GYS1: variants seen among roughly 807,000 people sequenced by gnomAD.
The protein encoded by GYS1 is glycogen synthase 1.
Under a neutral mutation model 89.1 loss-of-function variants are expected in GYS1, and 60 were observed. That is an observed-to-expected ratio of 0.67 (90% confidence interval 0.55 to 0.84). The LOEUF (loss-of-function observed/expected upper bound fraction) is 0.84, where lower values mean the gene tolerates loss of function less well. GYS1 is among the 40% of genes least tolerant of loss of function. The pLI, the probability that GYS1 is intolerant of heterozygous loss-of-function variation, is 0.00. For missense variants in GYS1, 888 were observed against 1,003.1 expected, an observed-to-expected ratio of 0.89 and a Z score of 1.55; for synonymous variants, 366 against 401.7, an observed-to-expected ratio of 0.91 and a Z score of 1.06.
At chr19:48,980,058 C>A (rs569438409) in intron 8 of GYS1, among the ~76,000 whole-genome samples, 35 of 152,264 alleles carry the variant, frequency 2.3e-4, no homozygotes, top group African/African-American at 8.4e-4. Flanking sequence ...GATCCTCCTG[C>A]CTCCTGTAGC....
rs1230620044 is a variant in GYS1, at chr19:48,985,371, C to G, written c.823+90G>C. ...TTTCGGTTTATGCTATTTCAACTTA[C>G]AGTGGGCTTCTTGGGCTGAGGAGCA... On this transcript the variant is annotated intron_variant, in intron 5 of 15. Transcript: ENST00000323798. 19 of 1,330,004 alleles carry G rather than the reference C, an allele frequency of 1.4e-5. No individual in the cohort carries two copies. In the East Asian group the frequency reaches 4.4e-4, roughly 31 times the overall value. 82.4% of individuals were successfully genotyped at this position (1,330,004 alleles called of 1,614,324 possible).
intron 8 of GYS1, among the ~76,000 whole-genome samples, chr19:48,981,117 T>TA (rs202146011): frequency 0.41 from 53,119 of 128,242 alleles, 9,725 homozygotes; most frequent in Middle Eastern, 0.59. Context: ...CATCTCAAAA[T>TA]AAAAAAAAAA....
chr19:48,993,124 G>A lies in GYS1; in HGVS notation c.-12C>T. The A allele has an allele frequency of 6.9e-7, 1 of 1,455,534 alleles. No homozygotes were observed. Among genetic ancestry groups the A allele is most frequent in the Non-Finnish European group, 9.7e-7 (1 of 1,035,856 alleles). The allele number at this position is 1,455,534 out of a possible 1,614,324, so 90.2% of individuals were successfully genotyped here. On this transcript the variant is annotated 5_prime_UTR_variant, in exon 1 of 16. Transcript: ENST00000323798. Reference sequence around the variant, plus strand: ...CGGTTTAAAGGCATGGCTGGCGCAGGAAGGGGGGCTCCGGGGATCTCCAGG... The same window carrying A: ...CGGTTTAAAGGCATGGCTGGCGCAGAAAGGGGGGCTCCGGGGATCTCCAGG...
At chr19:48,981,677 G>A (rs537587537) in intron 7 of GYS1, 41 bp from the exon 8 acceptor site, 4 of 1,283,652 alleles carry the variant, frequency 3.1e-6, no homozygotes, top group African/African-American at 2.9e-5. Flanking sequence ...GATCATGTGG[G>A]GGAAGCCTGG....
rs1568628620 is a variant in GYS1 at position 48,993,254 on chromosome 19, C to CCGCA, written c.-146_-143dup. 1 of 749,058 alleles carries CCGCA rather than the reference C, an allele frequency of 1.3e-6. No individual in the cohort carries two copies. Among genetic ancestry groups the CCGCA allele is most frequent in the East Asian group, 2.5e-5 (1 of 40,364 alleles). The allele number at this position is 749,058 out of a possible 1,614,324, so 46.4% of individuals were successfully genotyped here. On this transcript the variant is annotated 5_prime_UTR_variant, in exon 1 of 16. Coordinates refer to ENST00000323798, the MANE Select transcript of GYS1 (RefSeq NM_002103.5). ...AGACGCTCGGCTTCCTATTGCAAGA[C>CCGCA]CGCACCCCTGCCCCGAAGCGTTGGG...
At position 48,991,291 on chromosome 19, in the gene GYS1, C is replaced by A. The variant is rs201417230; in HGVS notation, c.300+11G>T. 162 of 1,613,006 alleles carry A rather than the reference C, an allele frequency of 1.0e-4. 1 individual carries two copies. In the Middle Eastern group the frequency reaches 2.5e-3, roughly 25 times the overall value. On this transcript the variant is annotated intron_variant, in intron 2 of 15. Transcript: ENST00000323798. The surrounding 1 kb of genome is among the most constrained non-coding windows in gnomAD (Gnocchi z 4.7). ...CCACCCGCTTCTGCCCTGGGCTGGG[C>A]CACGTCCCACCTTGCAGCCCTTGCT...
rs144681053 is a variant in GYS1 at position 48,974,326 on chromosome 19, G to A, written c.1436C>T (p.Pro479Leu). The A allele has an allele frequency of 7.1e-5, 114 of 1,613,842 alleles. No individual in the cohort carries two copies. The highest frequency in any genetic ancestry group is 8.9e-5 in the Non-Finnish European group (105 of 1,179,830). ...GGGGCTTGTGGAGGAGAGGAACTCC[G>A]GGTGGAAAATCACCTGGTAGTGAAA... ...SADRVKVIFH[P>L]EFLSSTSPLL... The change falls in exon 12 of 16, where the codon CCG becomes CTG. Residue 479 changes from proline (P) to leucine (L), a missense_variant. Pro to Leu is a moderately conservative substitution (Grantham distance 98). Coordinates refer to ENST00000323798, the MANE Select transcript of GYS1 (RefSeq NM_002103.5).
At chr19:48,970,859 C>G (rs2038553795) in intron 13 of GYS1, 69 bp downstream of exon 13, 1 of 1,447,766 alleles carries the variant, frequency 6.9e-7, no homozygotes, top group East Asian at 2.3e-5. Flanking sequence ...GCAAGCTCCT[C>G]CTTCCCAGGA....
intron 2 of GYS1, among the ~76,000 whole-genome samples, chr19:48,988,525 C>T (rs902816830): frequency 3.3e-5 from 5 of 152,126 alleles, no homozygotes; most frequent in Non-Finnish European, 7.4e-5. Context: ...CACTATGTTG[C>T]CCAGGCTGAT....
rs777178030 is a variant in GYS1 at position 48,979,336 on chromosome 19, C to CTTTTTTTTTT, written c.1170-1189_1170-1180dup. Among the ~76,000 whole-genome samples, 73 of 92,624 alleles carry CTTTTTTTTTT rather than the reference C, an allele frequency of 7.9e-4. 1 individual carries two copies. The highest frequency in any genetic ancestry group is 1.2e-3 in the East Asian group (4 of 3,344). The allele number at this position is 92,624 out of a possible 152,430, so 60.8% of individuals were successfully genotyped here. ...TTTGTCTCTTTTTCTTTTTTCTTTT[C>CTTTTTTTTTT]TTTTTTTTTTTTTTTTTTTTTTTTT... On this transcript the variant is annotated intron_variant, in intron 8 of 15. Transcript: ENST00000323798.
intron 12 of GYS1, among the ~76,000 whole-genome samples, chr19:48,972,264 G>A (rs2038577905): frequency 1.3e-5 from 2 of 151,914 alleles, no homozygotes; most frequent in Admixed American, 1.3e-4. Flanking sequence ...CTTGAACCCG[G>A]GAGGCGGTTG....
In GYS1 at chr19:48,968,889, G is replaced by C; in HGVS notation, c.*399C>G. ...ACTTGGTGGCCCGCATGCCGGGCCT[G>C]AGCGTGGCCTGCTCTGTATGCTGTA... On this transcript the variant is annotated 3_prime_UTR_variant, in exon 16 of 16. Transcript: ENST00000323798. 1 of 475,388 alleles carries C rather than the reference G, an allele frequency of 2.1e-6. No homozygotes were observed. The highest frequency in any genetic ancestry group is 4.1e-6 in the Non-Finnish European group (1 of 241,606). The allele number at this position is 475,388 out of a possible 1,614,324, so 29.4% of individuals were successfully genotyped here. A position where few individuals can be genotyped will look rare whatever the true frequency, so the allele number is the denominator to read the frequency against.
chr19:48,974,894 G>T (rs1458087876), intron 10 of GYS1, among the ~76,000 whole-genome samples, 161 bp from the exon 11 acceptor site: 1 of 151,104 alleles, frequency 6.6e-6, no homozygotes, highest in Non-Finnish European at 1.5e-5. Flanking sequence ...ATTCCCACTA[G>T]TACAACCTGT....
At chr19:48,974,846 G>A (rs1265610540) in intron 10 of GYS1, 113 bp from the exon 11 acceptor site, 3 of 701,824 alleles carry the variant, frequency 4.3e-6, no homozygotes, top group African/African-American at 1.8e-5. Flanking sequence ...TGCACCGGAC[G>A]TGGGGCAACA....
chr19:48,984,882 AAAAT>A (rs1007567479), intron 5 of GYS1, among the ~76,000 whole-genome samples: 79 of 151,750 alleles, frequency 5.2e-4, no homozygotes, highest in African/African-American at 1.8e-3. Context: ...CTCCGTCTCA[AAAAT>A]AAATAAATAA....
At chr19:48,987,053 G>A (rs2122524321) in intron 3 of GYS1, 141 bp downstream of exon 3, 1 of 709,236 alleles carries the variant, frequency 1.4e-6, no homozygotes, top group East Asian at 2.7e-5. Context: ...GGATGTTCAT[G>A]TCCTCAAAGG....
chr19:48,987,651 T>C lies in GYS1; in HGVS notation c.301-266A>G, dbSNP rs940390022. On this transcript the variant is annotated intron_variant, in intron 2 of 15. Transcript: ENST00000323798. ...CCTGCTTACTTTCTTTCTTTCTTTT[T>C]TTTGAGATGGAGTCTCACTCTGTGG... Among the ~76,000 whole-genome samples the C allele has an allele frequency of 5.3e-5, 8 of 152,328 alleles. No homozygotes were observed. In the East Asian group the frequency reaches 1.5e-3, roughly 29 times the overall value.
intron 8 of GYS1, 191 bp downstream of exon 8, chr19:48,981,339 G>C (rs1184547267): frequency 3.4e-6 from 2 of 592,942 alleles, no homozygotes; most frequent in Non-Finnish European, 6.2e-6. Context: ...CTTGAACCCA[G>C]GAGGTGGAGG....
intron 2 of GYS1, among the ~76,000 whole-genome samples, chr19:48,987,856 C>T (rs1336512889): frequency 6.7e-6 from 1 of 150,354 alleles, no homozygotes; most frequent in African/African-American, 2.5e-5. Flanking sequence ...GCTGGAGTGC[C>T]GTGGCATGAT....
Sources: gnomAD v4.1 joint callset for allele counts (sites outside exome capture counted in the v4.1 genomes callset) on GRCh38, gnomAD v4.1.1 for gene constraint, Gnocchi (gnomAD v3.1) non-coding constraint, MANE v1.5 for transcripts, NCBI Gene and HGNC (gene_info 2026-07-23, HGNC 2026-07-21) for gene names.